KCNH1: variants seen among roughly 807,000 people sequenced by gnomAD.
KCNH1 encodes potassium voltage-gated channel subfamily H member 1.
In KCNH1, 27 loss-of-function variants were observed where a neutral mutation model predicts 69.2. That is an observed-to-expected ratio of 0.39 (90% CI 0.29 to 0.54). The LOEUF (loss-of-function observed/expected upper bound fraction) is 0.54. Ranked by LOEUF, KCNH1 falls within the 20% of genes least tolerant of loss-of-function variation. KCNH1 has a pLI of 0.68. For missense variants in KCNH1, 798 were observed against 1,261.6 expected, an observed-to-expected ratio of 0.63 and a Z score of 5.57; for synonymous variants, 456 against 487.7, an observed-to-expected ratio of 0.93 and a Z score of 0.86.
intron 7 of KCNH1, among the ~76,000 whole-genome samples, chr1:210,908,549 C>T (rs4951684): frequency 0.083 from 12,607 of 152,088 alleles, 694 homozygotes; most frequent in South Asian, 0.15. Context: ...CCAACAGCCT[C>T]GATCACTTTG....
chr1:210,829,444 C>T (rs1176330786), intron 7 of KCNH1, among the ~76,000 whole-genome samples: 1 of 152,058 alleles, frequency 6.6e-6, no homozygotes, highest in East Asian at 1.9e-4. Context: ...CTATTATCAA[C>T]AGAGCAGCCA....
chr1:210,736,100 C>T (rs1262704720), intron 10 of KCNH1, among the ~76,000 whole-genome samples: 1 of 152,028 alleles, frequency 6.6e-6, no homozygotes, highest in African/African-American at 2.4e-5. Context: ...AGCAGTCATC[C>T]ACAGGCACAA....
chr1:210,758,973 C>T (rs984122584), intron 10 of KCNH1, among the ~76,000 whole-genome samples: 2 of 152,128 alleles, frequency 1.3e-5, no homozygotes, highest in African/African-American at 4.8e-5. Flanking sequence ...CTACAATAAG[C>T]AATGTGTGAG....
Position 210,919,020 on chromosome 1 carries a change from TTGACATGTA to T in KCNH1, c.1462+611_1462+619del, listed in dbSNP as rs1186154462. ...ATGCCAAGCTACAGCTATGTTCAAA[TTGACATGTA>T]GGACATGTAGCATGACGGCTATAGT... On this transcript the variant is annotated intron_variant, in intron 7 of 10. Transcript: ENST00000271751. This position sits in a 1 kb window ranked among gnomAD's most constrained non-coding sequence, Gnocchi z 4.2. 4 of 120,690 alleles carry T rather than the reference TTGACATGTA, an allele frequency of 3.3e-5. No homozygotes were observed. The highest frequency in any genetic ancestry group is 7.2e-5 in the Non-Finnish European group (4 of 55,430). 7.5% of individuals were successfully genotyped at this position (120,690 alleles called of 1,614,324 possible). A position where few individuals can be genotyped will look rare whatever the true frequency, so the allele number is the denominator to read the frequency against.
chr1:211,087,859 C>T (rs1253369246), intron 4 of KCNH1, among the ~76,000 whole-genome samples: 1 of 152,140 alleles, frequency 6.6e-6, no homozygotes, highest in East Asian at 1.9e-4. Flanking sequence ...ACAGAGGGGG[C>T]TCTGGAAGCA....
rs970115518 is a variant in KCNH1, at chr1:211,004,984, T to C, written c.1032+13799A>G. ...TTGTTTCTTTGGAAACATTTAATAA[T>C]AAAGTTAGTAAATTGGCAATACTGA... is the stretch of plus-strand genomic sequence containing the variant. On this transcript the variant is annotated intron_variant, in intron 6 of 10. Transcript: ENST00000271751. Among the ~76,000 whole-genome samples, 5 of 152,114 alleles carry C rather than the reference T, an allele frequency of 3.3e-5. No individual in the cohort carries two copies. The East Asian group carries it at 7.7e-4, about 23-fold the overall frequency.
chr1:210,871,318 C>T (rs1242002528), intron 7 of KCNH1, among the ~76,000 whole-genome samples: 1 of 152,166 alleles, frequency 6.6e-6, no homozygotes, highest in Admixed American at 6.5e-5. Flanking sequence ...CCATCACTGG[C>T]CAACAGAGAA....
At chr1:210,954,693 C>T (rs1434034799) in intron 6 of KCNH1, among the ~76,000 whole-genome samples, 1 of 152,196 alleles carries the variant, frequency 6.6e-6, no homozygotes, top group Non-Finnish European at 1.5e-5. Context: ...GTTGGCTGCA[C>T]AAATGTCTTC....
chr1:211,115,617 G>T (rs1357555620), intron 1 of KCNH1, among the ~76,000 whole-genome samples: 1 of 150,620 alleles, frequency 6.6e-6, no homozygotes, highest in Non-Finnish European at 1.5e-5. Flanking sequence ...TTTGGGACTC[G>T]GACTGGCTCT....
intron 7 of KCNH1, among the ~76,000 whole-genome samples, chr1:210,901,014 G>T (rs1686983998): frequency 6.6e-6 from 1 of 152,058 alleles, no homozygotes; most frequent in Non-Finnish European, 1.5e-5. Context: ...GGACCTAACA[G>T]ATGCTACATG....
intron 6 of KCNH1, among the ~76,000 whole-genome samples, chr1:211,004,451 G>A (rs1689241922): frequency 6.6e-6 from 1 of 152,046 alleles, no homozygotes; most frequent in African/African-American, 2.4e-5. Context: ...TATCTAGGAA[G>A]GGGTACAAGT....
chr1:211,075,229 G>C (rs1690712681), intron 5 of KCNH1, among the ~76,000 whole-genome samples: 1 of 152,212 alleles, frequency 6.6e-6, no homozygotes, highest in African/African-American at 2.4e-5. Context: ...GACAAAAAAT[G>C]ATGCTACCAT....
At chr1:210,862,240 T>C in intron 7 of KCNH1, 1 of 1,119,020 alleles carries the variant, frequency 8.9e-7, no homozygotes, top group Non-Finnish European at 1.4e-6. Flanking sequence ...CAGGGCTGGG[T>C]CCATGGTGCC....
intron 6 of KCNH1, among the ~76,000 whole-genome samples, chr1:210,934,587 C>T (rs370557029): frequency 1.1e-4 from 16 of 151,640 alleles, no homozygotes; most frequent in African/African-American, 3.1e-4. Context: ...TGCAGTGAGC[C>T]GAAAGCGTGC....
intron 8 of KCNH1, 54 bp downstream of exon 8, chr1:210,803,913 C>G: frequency 6.5e-7 from 1 of 1,532,452 alleles, no homozygotes; most frequent in Non-Finnish European, 9.0e-7. Context: ...AGCCTCAACC[C>G]TCCTAGGGAA....
intron 10 of KCNH1, among the ~76,000 whole-genome samples, chr1:210,709,005 C>A (rs564413228): frequency 6.6e-6 from 1 of 152,224 alleles, no homozygotes; most frequent in South Asian, 2.1e-4. Flanking sequence ...CATCCCAGCA[C>A]TCTGGGAGGC....
chr1:210,954,333 T>G (rs562620412), intron 6 of KCNH1, among the ~76,000 whole-genome samples: 8 of 152,358 alleles, frequency 5.3e-5, no homozygotes, highest in African/African-American at 1.9e-4. Context: ...GTTCCAAGTC[T>G]TTGCTATTGT....
intron 10 of KCNH1, among the ~76,000 whole-genome samples, chr1:210,774,638 A>C (rs543235934): frequency 6.6e-6 from 1 of 152,322 alleles, no homozygotes; most frequent in South Asian, 2.1e-4. Flanking sequence ...TTTAACCAAA[A>C]GAGTCAGAGA....
intron 6 of KCNH1, among the ~76,000 whole-genome samples, chr1:211,011,636 TCA>T (rs980518882): frequency 1.3e-5 from 2 of 152,178 alleles, no homozygotes; most frequent in African/African-American, 2.4e-5. Context: ...AACTCTAGAA[TCA>T]CAGTTTCACG....
Sources: allele counts gnomAD v4.1 joint callset (sites outside exome capture counted in the v4.1 genomes callset), GRCh38; gene constraint gnomAD v4.1.1; non-coding constraint Gnocchi (gnomAD v3.1); transcripts MANE v1.5; gene names NCBI Gene and HGNC (gene_info 2026-07-23, HGNC 2026-07-21).